SH3D21: variants seen among roughly 807,000 people sequenced by gnomAD.
SH3D21 encodes manchette microtubule inner protein 1.
In SH3D21, 83 loss-of-function variants were observed where a neutral mutation model predicts 82.1. The ratio of observed to expected loss-of-function variants is 1.01; its 90% CI spans 0.85 to 1.21. The LOEUF (loss-of-function observed/expected upper bound fraction) is 1.21. Ranked by LOEUF, SH3D21 falls within the 50% of genes most tolerant of loss-of-function variation. The probability of loss-of-function intolerance (pLI) is 0.00; values close to 1 mark genes in which losing one functional copy is unlikely to be tolerated. For missense variants in SH3D21, 980 were observed against 962.1 expected, an observed-to-expected ratio of 1.02 and a Z score of -0.25; for synonymous variants, 383 against 387.8, an observed-to-expected ratio of 0.99 and a Z score of 0.15.
At chr1:36,322,424 C>T, downstream of SH3D21, 1 of 1,602,770 alleles carries the variant, frequency 6.2e-7, no homozygotes, top group Non-Finnish European at 8.5e-7. Context: ...CCTCCAGCCG[C>T]TGCGCCCGCT....
At chr1:36,316,454 C>T (rs1400115468) in intron 10 of SH3D21, among the ~76,000 whole-genome samples, 1 of 152,312 alleles carries the variant, frequency 6.6e-6, no homozygotes, top group African/African-American at 2.4e-5. Context: ...AGGCTGGTCT[C>T]GAACTCCTGA....
chr1:36,321,335 C>A lies in SH3D21; in HGVS notation c.*208C>A. 2 of 1,425,462 alleles carry A rather than the reference C, an allele frequency of 1.4e-6. No individual in the cohort carries two copies. The highest frequency in any genetic ancestry group is 1.8e-6 in the Non-Finnish European group (2 of 1,093,684). The allele number at this position is 1,425,462 out of a possible 1,614,324, so 88.3% of individuals were successfully genotyped here. On this transcript the variant is annotated 3_prime_UTR_variant, in exon 16 of 16. Transcript: ENST00000453908. This position sits in a 1 kb window ranked among gnomAD's most constrained non-coding sequence, Gnocchi z 6.1. ...AGGCACATCTGGCCAACATGTGGCT[C>A]CCATTACCGTTCCCAAGGCCTGCGC... is the stretch of plus-strand genomic sequence containing the variant.
At chr1:36,329,092 C>A (rs1378347184), downstream of SH3D21, 1 of 152,294 alleles carries the variant, frequency 6.6e-6, no homozygotes, top group Non-Finnish European at 1.5e-5. Flanking sequence ...TTTCATAATG[C>A]TTGCTGTTGC....
At position 36,320,329 on chromosome 1, in the gene SH3D21, AG is replaced by A; in HGVS notation, c.1667del (p.Arg556LysfsTer11). The A allele has an allele frequency of 6.2e-7, 1 of 1,613,156 alleles. No individual in the cohort carries two copies. The highest frequency in any genetic ancestry group is 2.2e-5 in the East Asian group (1 of 44,844). ...CLGEMKCTLV[R>X]GDSSPRQAEL... ...GGGAGAGATGAAATGTACCCTAGTT[AG>A]AGGGGACAGCTCCCCACGCCAGGCT... On this transcript the variant is annotated frameshift_variant, in exon 14 of 16. Coordinates refer to ENST00000453908, the MANE Select transcript of SH3D21 (RefSeq NM_001162530.2). LOFTEE classifies it high-confidence loss of function.
chr1:36,317,178 G>A (rs376913364), intron 10 of SH3D21, among the ~76,000 whole-genome samples: 4 of 152,146 alleles, frequency 2.6e-5, no homozygotes, highest in African/African-American at 4.8e-5. Context: ...TAAGCACCTC[G>A]CATGTATTAA....
chr1:36,322,879 G>A, downstream of SH3D21: 2 of 1,540,192 alleles, frequency 1.3e-6, no homozygotes, highest in Non-Finnish European at 1.8e-6. Flanking sequence ...GGCGGGGAGC[G>A]GGGCGGAGGG....
At chr1:36,328,415 C>T (rs1323718943), downstream of SH3D21, 1 of 333,770 alleles carries the variant, frequency 3.0e-6, no homozygotes, top group Non-Finnish European at 6.0e-6. Context: ...CTTTGAGTGT[C>T]CCCATGACCC....
In SH3D21 at chr1:36,306,387, G is replaced by T. The variant is rs774559208; in HGVS notation, c.-34G>T. The T allele has an allele frequency of 1.5e-6, 2 of 1,305,296 alleles. No individual in the cohort carries two copies. The highest frequency in any genetic ancestry group is 2.0e-6 in the Non-Finnish European group (2 of 988,978). 80.9% of individuals were successfully genotyped at this position (1,305,296 alleles called of 1,614,324 possible). Reference sequence around the variant, plus strand: ...GGGCCCAGTACTCGGCCGTCAGAGGGAGCTGCCAGGCTCTGGAGGGCGCCC... The same window carrying T: ...GGGCCCAGTACTCGGCCGTCAGAGGTAGCTGCCAGGCTCTGGAGGGCGCCC... On this transcript the variant is annotated 5_prime_UTR_variant, in exon 1 of 16. Coordinates refer to ENST00000453908, the MANE Select transcript of SH3D21 (RefSeq NM_001162530.2). The surrounding 1 kb of genome is among the most constrained non-coding windows in gnomAD (Gnocchi z 4.5).
downstream of SH3D21, chr1:36,321,620 C>A: frequency 1.0e-6 from 1 of 985,658 alleles, no homozygotes. This position sits in a 1 kb window ranked among gnomAD's most constrained non-coding sequence, Gnocchi z 6.1. Flanking sequence ...TCGGCGCAGA[C>A]GTGAAGTCCA....
Position 36,307,744 on chromosome 1 carries a change from T to A in SH3D21, c.437-26T>A. ...TGACCTAACCTGTGAATTAGCACCC[T>A]CCCTAACCTCACTGTCCCCCACTAG... On this transcript the variant is annotated intron_variant, in intron 5 of 15. Transcript: ENST00000453908. This position sits in a 1 kb window ranked among gnomAD's most constrained non-coding sequence, Gnocchi z 5.4. 6.4e-7 allele frequency: 1 copy of A among 1,550,546 alleles called. No individual in the cohort carries two copies. Among genetic ancestry groups the A allele is most frequent in the South Asian group, 1.2e-5 (1 of 83,846 alleles).
chr1:36,322,488 G>A (rs769697190), downstream of SH3D21: 2 of 1,603,934 alleles, frequency 1.2e-6, no homozygotes, highest in Admixed American at 1.7e-5. Context: ...GTCCGGCTCT[G>A]CGGACAGCTC....
In SH3D21 at chr1:36,307,815, G is replaced by A; in HGVS notation, c.482G>A (p.Arg161Gln). ...CCTTCAGTCAGCCCTGGTCCCCAGC[G>A]GCCTCCCAAGGTAAGTTGGCTCAGA... is the stretch of plus-strand genomic sequence containing the variant. ...DMPSVSPGPQ[R>Q]PPKLSSLAYD... Residue 161 changes from arginine to glutamine, a missense_variant, in exon 6 of 16, where the codon CGG becomes CAG. Arg to Gln is a conservative substitution (Grantham distance 43, BLOSUM62 1). Transcript: ENST00000453908. This position sits in a 1 kb window ranked among gnomAD's most constrained non-coding sequence, Gnocchi z 5.4. 4 of 1,551,724 alleles carry A rather than the reference G, an allele frequency of 2.6e-6. No homozygotes were observed. The highest frequency in any genetic ancestry group is 1.2e-5 in the South Asian group (1 of 84,054).
intron 10 of SH3D21, 151 bp from the exon 11 acceptor site, chr1:36,318,920 A>AATAAT (rs1646392109): frequency 3.9e-6 from 1 of 258,810 alleles, no homozygotes; most frequent in African/African-American, 2.3e-5. Context: ...TAATAATAAT[A>AATAAT]ATAATAATAA....
downstream of SH3D21, chr1:36,322,412 C>T: frequency 6.2e-7 from 1 of 1,601,174 alleles, no homozygotes; most frequent in Non-Finnish European, 8.5e-7. Context: ...TCCGTTCGCG[C>T]TCCTCCAGCC....
Position 36,321,056 on chromosome 1 carries a change from G to T in SH3D21, c.2200G>T (p.Val734Phe). 6.2e-7 allele frequency: 1 copy of T among 1,611,208 alleles called. No individual in the cohort carries two copies. Among genetic ancestry groups the T allele is most frequent in the South Asian group, 1.1e-5 (1 of 90,540 alleles). Residue 734 changes from valine to phenylalanine, a missense_variant and splice_region_variant, in exon 16 of 16, where the codon GTC becomes TTC. By Grantham distance (50) the Val-to-Phe change is conservative. Transcript: ENST00000453908. The surrounding 1 kb of genome is among the most constrained non-coding windows in gnomAD (Gnocchi z 6.1). ...SEKEQRRRLE[V>F]QVMQGTQKSQ... ...AAGTCTCCACCTCACTCCCGACCAG[G>T]TCCAGGTGATGCAGGGGACCCAGAA...
chr1:36,326,998 A>G (rs576736608), downstream of SH3D21, among the ~76,000 whole-genome samples: 94 of 152,274 alleles, frequency 6.2e-4, no homozygotes, highest in Non-Finnish European at 8.2e-4. Context: ...TCCTTACCAC[A>G]TAAGATGGAT....
At chr1:36,328,859 A>G (rs1388534055), downstream of SH3D21, 3 of 152,666 alleles carry the variant, frequency 2.0e-5, no homozygotes, top group East Asian at 1.9e-4. Flanking sequence ...GCCAAATGCT[A>G]TGCACACTCC....
intron 9 of SH3D21, among the ~76,000 whole-genome samples, chr1:36,309,117 G>C (rs1036602434): frequency 6.6e-6 from 1 of 152,100 alleles, no homozygotes; most frequent in Non-Finnish European, 1.5e-5. Flanking sequence ...TGTCACATGA[G>C]TTAGGTCAGG....
chr1:36,309,961 AT>A (rs139041300), intron 10 of SH3D21, among the ~76,000 whole-genome samples: 1,895 of 151,558 alleles, frequency 0.013, 39 homozygotes, highest in African/African-American at 0.043. Context: ...ATCTTTTTTT[AT>A]TTATTTTTTT....
Sources: gnomAD v4.1 joint callset for allele counts (sites outside exome capture counted in the v4.1 genomes callset) on GRCh38, gnomAD v4.1.1 for gene constraint, Gnocchi (gnomAD v3.1) non-coding constraint, MANE v1.5 for transcripts, NCBI Gene and HGNC (gene_info 2026-07-23, HGNC 2026-07-21) for gene names.